Variants in NALCN observed in about 807,000 individuals in gnomAD.
The protein encoded by NALCN is sodium leak channel, non-selective.
A neutral mutation model predicts 225.3 loss-of-function variants in NALCN; 111 were observed. That is an observed-to-expected ratio of 0.49 (90% CI 0.42 to 0.58). The LOEUF is 0.58. Among genes scored for constraint, NALCN ranks in the 20% least tolerant of loss-of-function variants. The pLI is 0.00. For synonymous variants in NALCN, 764 were observed against 769.0 expected (o/e 0.99, Z 0.11); for missense variants, 1,378 against 2,202.4 (o/e 0.63, Z 7.49).
intron 15 of NALCN, among the ~76,000 whole-genome samples, chr13:101,156,022 G>A (rs2037883710): frequency 6.6e-6 from 1 of 151,966 alleles, no homozygotes; most frequent in African/African-American, 2.4e-5. Context: ...TCATGTATCT[G>A]TATAAATATG....
chr13:101,081,676 A>C, intron 33 of NALCN, 30 bp from the exon 34 acceptor site: 2 of 1,613,080 alleles, frequency 1.2e-6, no homozygotes, highest in Non-Finnish European at 1.7e-6. Flanking sequence ...GAAAATAAAC[A>C]GAGAGAGTGT....
chr13:101,179,268 G>A (rs929984261), intron 14 of NALCN, among the ~76,000 whole-genome samples: 3 of 152,088 alleles, frequency 2.0e-5, no homozygotes, highest in African/African-American at 4.8e-5. Flanking sequence ...CGGTGCTCTC[G>A]TTTGTAAAAT....
At chr13:101,333,857 T>C (rs1404865016) in intron 7 of NALCN, among the ~76,000 whole-genome samples, 1 of 152,206 alleles carries the variant, frequency 6.6e-6, no homozygotes, top group Non-Finnish European at 1.5e-5. Context: ...TGCTATTCTA[T>C]TCACATTTGT....
At chr13:101,384,688 A>G (rs1282967873) in intron 3 of NALCN, among the ~76,000 whole-genome samples, 2 of 152,168 alleles carry the variant, frequency 1.3e-5, no homozygotes, top group African/African-American at 4.8e-5. Flanking sequence ...ACAGTCTGCA[A>G]TGCATGAAGT....
At chr13:101,155,210 C>T (rs1594323160) in intron 15 of NALCN, among the ~76,000 whole-genome samples, 1 of 152,186 alleles carries the variant, frequency 6.6e-6, no homozygotes, top group Non-Finnish European at 1.5e-5. Context: ...TACCATAGAA[C>T]ATTTATCAAA....
At position 101,104,500 on chromosome 13, in the gene NALCN, A is replaced by T. The variant is rs781632966; in HGVS notation, c.2757+30T>A. 3.2e-5 allele frequency: 51 copies of T among 1,613,730 alleles called. 1 individual carries two copies. The highest frequency in any genetic ancestry group is 1.5e-4 in the Admixed American group (9 of 60,004). On this transcript the variant is annotated intron_variant, in intron 24 of 43. Coordinates refer to ENST00000251127, the MANE Select transcript of NALCN (RefSeq NM_052867.4). The surrounding 1 kb of genome is among the most constrained non-coding windows in gnomAD (Gnocchi z 4.2). ...GGTCAGTATTTTACCTCCTAGTTGT[A>T]AGCTGAGATTTTGCAGCGGTAAGCG...
chr13:101,261,141 C>A lies in NALCN; in HGVS notation c.1135-2567G>T, dbSNP rs150055199. 2.7e-3 allele frequency among the ~76,000 whole-genome samples: 410 copies of A among 152,242 alleles called. 2 individuals carry two copies. The highest frequency in any genetic ancestry group is 9.4e-3 in the African/African-American group (392 of 41,542). ...AACTCTCTTTTCCCCAGTGTATGTT[C>A]TTGGCACCTTTGTTAAAAATGAGTT... On this transcript the variant is annotated intron_variant, in intron 10 of 43. Transcript: ENST00000251127.
chr13:101,178,244 G>C (rs1369533411), intron 14 of NALCN, among the ~76,000 whole-genome samples: 1 of 152,066 alleles, frequency 6.6e-6, no homozygotes, highest in African/African-American at 2.4e-5. Context: ...CTGCAGGAGG[G>C]GATATCTTAT....
At chr13:101,227,043 C>T (rs554829956) in intron 13 of NALCN, among the ~76,000 whole-genome samples, 10 of 152,292 alleles carry the variant, frequency 6.6e-5, no homozygotes, top group Middle Eastern at 3.4e-3. Context: ...CACCTCCGGA[C>T]GCTGGAGAGC....
chr13:101,387,441 T>C (rs899199985), intron 3 of NALCN, among the ~76,000 whole-genome samples: 1 of 152,104 alleles, frequency 6.6e-6, no homozygotes, highest in African/African-American at 2.4e-5. Context: ...TTCCAAACAA[T>C]GTGAAAACTT....
At chr13:101,333,051 A>G (rs67464603) in intron 7 of NALCN, among the ~76,000 whole-genome samples, 19,681 of 152,206 alleles carry the variant, frequency 0.13, 2,223 homozygotes, top group African/African-American at 0.31. Context: ...CAGTACCTAT[A>G]TAGAGTAAGT....
At chr13:101,350,938 C>T (rs1022838872) in intron 6 of NALCN, among the ~76,000 whole-genome samples, 6 of 152,126 alleles carry the variant, frequency 3.9e-5, no homozygotes, top group African/African-American at 1.4e-4. Flanking sequence ...ATTACATGAG[C>T]CAATTCCTTA....
At chr13:101,148,177 T>G (rs571261860) in intron 15 of NALCN, among the ~76,000 whole-genome samples, 1 of 152,248 alleles carries the variant, frequency 6.6e-6, no homozygotes, top group Non-Finnish European at 1.5e-5. Flanking sequence ...CAATAGAAAT[T>G]TACTCTCTCA....
At chr13:101,231,319 A>G (rs760948502) in intron 12 of NALCN, among the ~76,000 whole-genome samples, 12 of 152,164 alleles carry the variant, frequency 7.9e-5, no homozygotes, top group African/African-American at 1.2e-4. Flanking sequence ...ACAAACCTTT[A>G]TTGATTACTA....
intron 14 of NALCN, among the ~76,000 whole-genome samples, chr13:101,183,738 G>A (rs908917199): frequency 2.0e-5 from 3 of 151,970 alleles, no homozygotes; most frequent in Non-Finnish European, 4.4e-5. Context: ...GGGATTATAG[G>A]GGGAGCCACC....
intron 11 of NALCN, among the ~76,000 whole-genome samples, chr13:101,250,677 T>G (rs545299957): frequency 1.3e-5 from 2 of 152,144 alleles, no homozygotes; most frequent in Admixed American, 1.3e-4. Context: ...GACTCTGGTA[T>G]AGATAAGACA....
intron 3 of NALCN, among the ~76,000 whole-genome samples, chr13:101,382,604 A>G (rs2046881982): frequency 6.6e-6 from 1 of 152,192 alleles, no homozygotes; most frequent in South Asian, 2.1e-4. Context: ...AAACTGGCCC[A>G]CACTACATTT....
At chr13:101,073,531 G>A in intron 37 of NALCN, 53 bp downstream of exon 37, 1 of 1,432,882 alleles carries the variant, frequency 7.0e-7, no homozygotes, top group Non-Finnish European at 9.7e-7. Context: ...TGTGTTGCAA[G>A]AGTTTCATGC....
intron 28 of NALCN, 88 bp downstream of exon 28, chr13:101,095,486 T>G: frequency 9.6e-7 from 1 of 1,042,420 alleles, no homozygotes; most frequent in Non-Finnish European, 1.4e-6. Context: ...GCAAAACTAC[T>G]TTTAGTTACA....
Sources: gnomAD v4.1 joint callset for allele counts (sites outside exome capture counted in the v4.1 genomes callset) on GRCh38, gnomAD v4.1.1 for gene constraint, Gnocchi (gnomAD v3.1) non-coding constraint, MANE v1.5 for transcripts, NCBI Gene and HGNC (gene_info 2026-07-23, HGNC 2026-07-21) for gene names.